The following OR1I1 variants were observed in gnomAD, a reference collection of about 807,000 sequenced individuals.
The protein encoded by OR1I1 is olfactory receptor 1I1.
For missense variants in OR1I1, 451 were observed against 443.6 expected (o/e 1.02, Z -0.15); for synonymous variants, 171 against 181.4 (o/e 0.94, Z 0.46).
At position 15,092,274 on chromosome 19, in the gene OR1I1, G is replaced by C. The variant is rs1250153841; in HGVS notation, c.*4141G>C. On this transcript the variant is annotated 3_prime_UTR_variant, in exon 2 of 2. Transcript: ENST00000641398. Reference sequence around the variant, plus strand: ...GTTGTTTAAAGAAATCACGGAGACTGGTGTGGCCTGAGCCCAGAGTGACAG... The same window carrying C: ...GTTGTTTAAAGAAATCACGGAGACTCGTGTGGCCTGAGCCCAGAGTGACAG... 6.6e-6 allele frequency: 1 copy of C among 152,110 alleles called. No individual in the cohort carries two copies. The allele number at this position is 152,110 out of a possible 1,614,324, so 9.4% of individuals were successfully genotyped here. A position where few individuals can be genotyped will look rare whatever the true frequency, so the allele number is the denominator to read the frequency against.
At chr19:15,087,021 G>A (rs1265831595) in intron 1 of OR1I1, 32 bp from the exon 2 acceptor site, 1 of 1,562,870 alleles carries the variant, frequency 6.4e-7, no homozygotes, top group Non-Finnish European at 8.7e-7. Context: ...ACCTGGCTCT[G>A]TGTGGTTTTT....
intron 1 of OR1I1, among the ~76,000 whole-genome samples, chr19:15,085,130 T>TTTTATATATATA (rs1253261208): frequency 6.0e-4 from 17 of 28,534 alleles, no homozygotes; most frequent in East Asian, 3.0e-3. Context: ...CATTTTTGAC[T>TTTTATATATATA]TATATATATA....
rs1310705562 is a variant in OR1I1, at chr19:15,087,387, G to C, written c.322G>C (p.Gly108Arg). The C allele has an allele frequency of 1.2e-6, 2 of 1,614,124 alleles. No individual in the cohort carries two copies. The highest frequency in any genetic ancestry group is 2.7e-5 in the African/African-American group (2 of 75,024). ...CCAGATGTATGCCTTCCACCTGTTC[G>C]GGACCATGGACAGCTTTCTCCTGGC... ...LTQMYAFHLFGTMDSFLLAVM... is the reference protein window; with the variant it reads ...LTQMYAFHLFRTMDSFLLAVM... Residue 108 changes from glycine (G) to arginine (R), a missense_variant, in exon 2 of 2, where the codon GGG becomes CGG. Gly to Arg is a moderately radical substitution (Grantham distance 125, BLOSUM62 -2). Transcript: ENST00000641398.
chr19:15,084,068 G>T (rs180710925), intron 1 of OR1I1, among the ~76,000 whole-genome samples: 3 of 152,294 alleles, frequency 2.0e-5, no homozygotes, highest in African/African-American at 7.2e-5. Flanking sequence ...GCTTCGAAAT[G>T]CCTCATAAAG....
chr19:15,089,018 A>G lies in OR1I1; in HGVS notation c.*885A>G, dbSNP rs948112844. The G allele has an allele frequency of 4.0e-5, 6 of 150,808 alleles. No individual in the cohort carries two copies. Among genetic ancestry groups the G allele is most frequent in the African/African-American group, 1.2e-4 (5 of 41,064 alleles). The allele number at this position is 150,808 out of a possible 1,614,324, so 9.3% of individuals were successfully genotyped here. ...GGTAGGTCAGTCGATCGATTGATCA[A>G]TCGATCAACAGATAGATGATAGATA... On this transcript the variant is annotated 3_prime_UTR_variant, in exon 2 of 2. Transcript: ENST00000641398.
chr19:15,083,595 CA>C (rs34554447), intron 1 of OR1I1, among the ~76,000 whole-genome samples: 111,499 of 152,020 alleles, frequency 0.73, 41,126 homozygotes, highest in Non-Finnish European at 0.76. Flanking sequence ...TAAAAAGCCT[CA>C]AAAAGTTAAC....
In OR1I1 at chr19:15,087,531, T is replaced by G. The variant is rs2046235481; in HGVS notation, c.466T>G (p.Ser156Ala). 6.2e-7 allele frequency: 1 copy of G among 1,614,104 alleles called. No individual in the cohort carries two copies. The highest frequency in any genetic ancestry group is 8.5e-7 in the Non-Finnish European group (1 of 1,180,012). The change falls in exon 2 of 2, where the codon TCT (serine) becomes GCT (alanine). Residue 156 changes from serine (S) to alanine (A), a missense_variant. Transcript: ENST00000641398. Reference protein sequence around the residue: ...GASWMITNLQSLIHTCLMAQL... With the variant: ...GASWMITNLQALIHTCLMAQL... ...ATCATGGATGATCACCAACCTCCAG[T>G]CTCTCATACACACCTGCCTCATGGC...
intron 1 of OR1I1, among the ~76,000 whole-genome samples, chr19:15,082,853 A>T: frequency 6.6e-6 from 1 of 152,022 alleles, no homozygotes; most frequent in South Asian, 2.1e-4. Context: ...TCTGTTGCCC[A>T]GTCTGGAGTG....
chr19:15,085,168 A>ATTTTTT (rs1568321900), intron 1 of OR1I1, among the ~76,000 whole-genome samples: 3 of 18,824 alleles, frequency 1.6e-4, no homozygotes, highest in Admixed American at 5.2e-4. Context: ...ATATATATAT[A>ATTTTTT]TATATATATT....
At position 15,088,159 on chromosome 19, in the gene OR1I1, G is replaced by A. The variant is rs1454234653; in HGVS notation, c.*26G>A. 13 of 1,518,346 alleles carry A rather than the reference G, an allele frequency of 8.6e-6. No individual in the cohort carries two copies. Among genetic ancestry groups the A allele is most frequent in the Admixed American group, 4.2e-5 (2 of 47,514 alleles). The allele number at this position is 1,518,346 out of a possible 1,614,324, so 94.1% of individuals were successfully genotyped here. The stretch of plus-strand genomic sequence containing the variant: ...ATCCTTCCAGTACAACGTGATAAAT[G>A]TGTCATAAAGAGATGAACAAAGTGT... On this transcript the variant is annotated 3_prime_UTR_variant, in exon 2 of 2. Coordinates refer to ENST00000641398, the MANE Select transcript of OR1I1 (RefSeq NM_001004713.2).
chr19:15,085,176 A>ATATATATT (rs1555717400), intron 1 of OR1I1, among the ~76,000 whole-genome samples: 4 of 80,136 alleles, frequency 5.0e-5, no homozygotes, highest in Non-Finnish European at 6.9e-5. Context: ...ATATATATAT[A>ATATATATT]TTTTTTTTTT....
chr19:15,084,102 G>A (rs752564330), intron 1 of OR1I1, among the ~76,000 whole-genome samples: 6 of 152,202 alleles, frequency 3.9e-5, no homozygotes, highest in Non-Finnish European at 8.8e-5. Flanking sequence ...CATTCTTAGG[G>A]AGGCAGTGGA....
In OR1I1 at chr19:15,088,089, C is replaced by A. The variant is rs149095426; in HGVS notation, c.1024C>A (p.Pro342Thr). ...CACAGAGATGCATCCCATCCCCTAC[C>A]CTGGAGGAGTTCAGAGTCTAGCTGG... ...RDTEMHPIPY[P>T]GGVQSLAGNR... is the part of the protein sequence containing the mutation. The change falls in exon 2 of 2, where the codon CCT becomes ACT. Residue 342 changes from proline (P) to threonine (T), a missense_variant. Pro to Thr is a conservative substitution (Grantham distance 38). Coordinates refer to ENST00000641398, the MANE Select transcript of OR1I1 (RefSeq NM_001004713.2). 10 of 1,566,548 alleles carry A rather than the reference C, an allele frequency of 6.4e-6. No homozygotes were observed. In the African/African-American group the frequency reaches 9.4e-5, roughly 15 times the overall value.
Position 15,092,087 on chromosome 19 carries a change from C to CTTTTTTTTTTTTTT in OR1I1, c.*3964_*3977dup, listed in dbSNP as rs537423650. The CTTTTTTTTTTTTTT allele has an allele frequency of 2.4e-4, 12 of 49,018 alleles. No homozygotes were observed. The highest frequency in any genetic ancestry group is 9.3e-4 in the African/African-American group (10 of 10,742). 3.0% of individuals were successfully genotyped at this position (49,018 alleles called of 1,614,324 possible). On this transcript the variant is annotated 3_prime_UTR_variant, in exon 2 of 2. Transcript: ENST00000641398. ...CATTTCACAAATTGGATTTAAAACG[C>CTTTTTTTTTTTTTT]TTTTTTTTTTTTTTTTTTTTTTTGG... is the stretch of plus-strand genomic sequence containing the variant.
At chr19:15,082,347 G>C (rs1406102915) in intron 1 of OR1I1, 71 bp downstream of exon 1, 1 of 152,334 alleles carries the variant, frequency 6.6e-6, no homozygotes, top group African/African-American at 2.4e-5. Context: ...TGGTGGAGAA[G>C]GAGGCTTCCC....
rs1332591975 is a variant in OR1I1, at chr19:15,088,848, G to A, written c.*715G>A. The A allele has an allele frequency of 1.0e-5, 1 of 97,798 alleles. No individual in the cohort carries two copies. Among genetic ancestry groups the A allele is most frequent in the African/African-American group, 3.1e-5 (1 of 32,142 alleles). The allele number at this position is 97,798 out of a possible 1,614,324, so 6.1% of individuals were successfully genotyped here. A position where few individuals can be genotyped will look rare whatever the true frequency, so the allele number is the denominator to read the frequency against. The stretch of plus-strand genomic sequence containing the variant: ...ATACAGATAGATACATAGATAGATA[G>A]GATAGATAGGTAGGTAGGTAGGTAG... On this transcript the variant is annotated 3_prime_UTR_variant, in exon 2 of 2. Coordinates refer to ENST00000641398, the MANE Select transcript of OR1I1 (RefSeq NM_001004713.2).
In OR1I1 at chr19:15,085,176, A is replaced by ATATATGTTTT. The variant is rs1555717400; in HGVS notation, c.-13-1876_-13-1875insATATGTTTTT. On this transcript the variant is annotated intron_variant, in intron 1 of 1. Coordinates refer to ENST00000641398, the MANE Select transcript of OR1I1 (RefSeq NM_001004713.2). Reference sequence around the variant, plus strand: ...TATATATATATATATATATATATATATTTTTTTTTTTGAGACAGAGTTTCG... The same window carrying ATATATGTTTT: ...TATATATATATATATATATATATATATATATGTTTTTTTTTTTTTTTGAGACAGAGTTTCG... Among the ~76,000 whole-genome samples, 400 of 80,098 alleles carry ATATATGTTTT rather than the reference A, an allele frequency of 5.0e-3. 47 individuals carry two copies. Among genetic ancestry groups the ATATATGTTTT allele is most frequent in the East Asian group, 8.3e-3 (17 of 2,060 alleles). The allele number at this position is 80,098 out of a possible 152,430, so 52.5% of individuals were successfully genotyped here.
In OR1I1 at chr19:15,085,133, TATATATATATA is replaced by T. The variant is rs2046223451; in HGVS notation, c.-13-1919_-13-1909del. 7.2e-4 allele frequency among the ~76,000 whole-genome samples: 8 copies of T among 11,150 alleles called. 1 individual carries two copies. The South Asian group carries it at 0.018, about 26-fold the overall frequency. The allele number at this position is 11,150 out of a possible 152,430, so 7.3% of individuals were successfully genotyped here. ...GTATGTTCAATGCATTTTTGACTTA[TATATATATATA>T]TATATATATATATATATATATATAT... On this transcript the variant is annotated intron_variant, in intron 1 of 1. Transcript: ENST00000641398.
In OR1I1 at chr19:15,088,281, C is replaced by T; in HGVS notation, c.*148C>T. ...ATCAAACTGGCCTGAAATTAGCCCT[C>T]CTGGAGGATCAGCCTTTTAGGATTG... On this transcript the variant is annotated 3_prime_UTR_variant, in exon 2 of 2. Coordinates refer to ENST00000641398, the MANE Select transcript of OR1I1 (RefSeq NM_001004713.2). The T allele has an allele frequency of 1.1e-6, 1 of 912,628 alleles. No individual in the cohort carries two copies. The highest frequency in any genetic ancestry group is 1.6e-6 in the Non-Finnish European group (1 of 625,544). The allele number at this position is 912,628 out of a possible 1,614,324, so 56.5% of individuals were successfully genotyped here.
Sources: allele counts gnomAD v4.1 joint callset (sites outside exome capture counted in the v4.1 genomes callset), GRCh38; gene constraint gnomAD v4.1.1; transcripts MANE v1.5; gene names NCBI Gene and HGNC (gene_info 2026-07-23, HGNC 2026-07-21).